Variants in EGF observed in about 807,000 individuals in gnomAD.
EGF encodes the protein epidermal growth factor, also known as pro-epidermal growth factor.
A neutral mutation model predicts 143.8 loss-of-function variants in EGF; 95 were observed. The ratio of observed to expected loss-of-function variants is 0.66; its 90% CI spans 0.56 to 0.78. The LOEUF (loss-of-function observed/expected upper bound fraction) is 0.78. Ranked by LOEUF, EGF falls within the 30% of genes least tolerant of loss-of-function variation. EGF has a pLI of 0.00. For synonymous variants in EGF, 510 were observed against 510.5 expected, an observed-to-expected ratio of 1.00 and a Z score of 0.01; for missense variants, 1,320 against 1,470.9, an observed-to-expected ratio of 0.90 and a Z score of 1.68.
At position 109,993,666 on chromosome 4, in the gene EGF, G is replaced by A. The variant is rs1751361070; in HGVS notation, c.2857+297G>A. ...TCACTATTTGTAATGTCAATTTGTGGGGCTGCTGGATAAGTTTTGCAGGGC... is the reference window on the plus strand; with the variant it reads ...TCACTATTTGTAATGTCAATTTGTGAGGCTGCTGGATAAGTTTTGCAGGGC... On this transcript the variant is annotated intron_variant, in intron 19 of 23. Coordinates refer to ENST00000265171, the MANE Select transcript of EGF (RefSeq NM_001963.6). Among the ~76,000 whole-genome samples the A allele has an allele frequency of 3.3e-5, 5 of 151,808 alleles. 1 individual carries two copies. The South Asian group carries it at 1.1e-3, about 32-fold the overall frequency.
intron 5 of EGF, among the ~76,000 whole-genome samples, chr4:109,950,706 G>C (rs1269479530): frequency 6.6e-6 from 1 of 152,124 alleles, no homozygotes; most frequent in Non-Finnish European, 1.5e-5. Context: ...CTCTCCTGCA[G>C]CCCAGTCTGC....
Position 109,913,352 on chromosome 4 carries a change from T to G in EGF, c.17T>G (p.Ile6Ser). Residue 6 changes from isoleucine (I) to serine (S), a missense_variant, in exon 1 of 24, where the codon ATC (isoleucine) becomes AGC (serine). Ile to Ser is a moderately radical substitution (Grantham distance 142). Around this residue, in one of 5 missense-constraint regions of EGF, gnomAD observed 79 missense variants for 71.2 expected, o/e 1.11. Transcript: ENST00000265171. MLLTL[I>S]ILLPVVSKFS... is the part of the protein sequence containing the mutation. Reference sequence around the variant, plus strand: ...ATCAAGATTATGCTGCTCACTCTTATCATTCTGTTGCCAGTAGTTTCAAAA... The same window carrying G: ...ATCAAGATTATGCTGCTCACTCTTAGCATTCTGTTGCCAGTAGTTTCAAAA... 6.2e-7 allele frequency: 1 copy of G among 1,613,986 alleles called. No homozygotes were observed. Among genetic ancestry groups the G allele is most frequent in the Non-Finnish European group, 8.5e-7 (1 of 1,179,872 alleles).
Position 109,913,375 on chromosome 4 carries a change from A to T in EGF, c.40A>T (p.Lys14Ter). The change falls in exon 1 of 24, where the codon AAA becomes TAA. Residue 14 changes from lysine (K) to a stop codon, truncating the protein, a stop_gained. Transcript: ENST00000265171. LOFTEE classifies it high-confidence loss of function. ...TLIILLPVVS[K>*]FSFVSLSAPQ... ...TATCATTCTGTTGCCAGTAGTTTCA[A>T]AATTTAGTTTTGTTAGTCTCTCAGC... 6.2e-7 allele frequency: 1 copy of T among 1,613,992 alleles called. No individual in the cohort carries two copies. Among genetic ancestry groups the T allele is most frequent in the Non-Finnish European group, 8.5e-7 (1 of 1,179,924 alleles).
intron 15 of EGF, among the ~76,000 whole-genome samples, chr4:109,982,424 T>TAA (rs1749517797): frequency 6.6e-6 from 1 of 151,870 alleles, no homozygotes; most frequent in African/African-American, 2.4e-5. Flanking sequence ...GCCTCTAGGG[T>TAA]TCAAGAGATT....
At chr4:109,968,852 G>A (rs1747090244) in intron 10 of EGF, 119 bp from the exon 11 acceptor site, 3 of 1,329,686 alleles carry the variant, frequency 2.3e-6, no homozygotes, top group Non-Finnish European at 3.2e-6. Context: ...AGTTGCAGGT[G>A]TGCCTATCTC....
chr4:110,002,061 A>C, intron 21 of EGF: 2 of 984,734 alleles, frequency 2.0e-6, no homozygotes, highest in Non-Finnish European at 2.4e-6. Context: ...TACAGCTCTA[A>C]CATTGAGTTT....
At chr4:109,962,455 A>G (rs1216928054) in intron 8 of EGF, among the ~76,000 whole-genome samples, 1 of 152,240 alleles carries the variant, frequency 6.6e-6, no homozygotes, top group African/African-American at 2.4e-5. Flanking sequence ...CAGAATTAGC[A>G]GAAGAATTGT....
chr4:109,999,828 G>T lies in EGF; in HGVS notation c.3155G>T (p.Trp1052Leu). 6.2e-7 allele frequency: 1 copy of T among 1,613,446 alleles called. No individual in the cohort carries two copies. Among genetic ancestry groups the T allele is most frequent in the Non-Finnish European group, 8.5e-7 (1 of 1,180,012 alleles). Residue 1052 changes from tryptophan to leucine, a missense_variant, in exon 21 of 24, where the codon TGG (tryptophan) becomes TTG (leucine). Around this residue, in one of 5 missense-constraint regions of EGF, gnomAD observed 1,186 missense variants for 1,313.7 expected, o/e 0.90. Transcript: ENST00000265171. ...GTCATGCTGCTCCTCCTGAGCCTGT[G>T]GGGGGCCCACTACTACAGGTGACCC... Reference protein sequence around the residue: ...VLVMLLLLSLWGAHYYRTQKL... With the variant: ...VLVMLLLLSLLGAHYYRTQKL...
At chr4:109,923,859 G>C (rs928187106) in intron 1 of EGF, among the ~76,000 whole-genome samples, 4 of 151,462 alleles carry the variant, frequency 2.6e-5, no homozygotes, top group Non-Finnish European at 4.4e-5. Flanking sequence ...GGGCCCAAGA[G>C]AGCCACCCAC....
intron 5 of EGF, among the ~76,000 whole-genome samples, chr4:109,956,916 A>G (rs1475640599): frequency 1.3e-5 from 2 of 152,198 alleles, no homozygotes; most frequent in African/African-American, 2.4e-5. Flanking sequence ...ACGTTTCACT[A>G]GTACATTAGG....
At chr4:110,002,354 A>T (rs983454767) in intron 21 of EGF, among the ~76,000 whole-genome samples, 1 of 152,154 alleles carries the variant, frequency 6.6e-6, no homozygotes, top group South Asian at 2.1e-4. Context: ...TTACCCAGGC[A>T]TGGTGGCACA....
At chr4:109,945,524 G>A (rs1560669718) in intron 5 of EGF, among the ~76,000 whole-genome samples, 2 of 152,008 alleles carry the variant, frequency 1.3e-5, no homozygotes, top group Non-Finnish European at 2.9e-5. Flanking sequence ...ATTGCTTGAG[G>A]CCAGGAGTTT....
At chr4:109,985,426 G>A (rs1289158196) in intron 16 of EGF, among the ~76,000 whole-genome samples, 1 of 152,150 alleles carries the variant, frequency 6.6e-6, no homozygotes, top group East Asian at 1.9e-4. Context: ...TGGCCTTTTG[G>A]GCCCTGTATG....
rs562123125 is a variant in EGF, at chr4:109,987,661, C to G, written c.2492-83C>G. The G allele has an allele frequency of 8.0e-6, 9 of 1,124,274 alleles. No homozygotes were observed. In the African/African-American group the frequency reaches 1.4e-4, roughly 17 times the overall value. The allele number at this position is 1,124,274 out of a possible 1,614,324, so 69.6% of individuals were successfully genotyped here. ...AGAACTTGGGAAAGGAAGTGGTGGA[C>G]TGTTCTGTAGAACCAGAAGATTAAA... On this transcript the variant is annotated intron_variant, in intron 16 of 23. Coordinates refer to ENST00000265171, the MANE Select transcript of EGF (RefSeq NM_001963.6).
At position 109,976,209 on chromosome 4, in the gene EGF, G is replaced by A. The variant is rs1411426888; in HGVS notation, c.2027G>A (p.Arg676His). The A allele has an allele frequency of 6.2e-7, 1 of 1,614,000 alleles. No individual in the cohort carries two copies. Among genetic ancestry groups the A allele is most frequent in the Non-Finnish European group, 8.5e-7 (1 of 1,179,982 alleles). ...IEMANLDGSK[R>H]RRLTQNDVGH... is the part of the protein sequence containing the mutation. The stretch of plus-strand genomic sequence containing the variant: ...ATGGCCAATCTGGATGGTTCAAAAC[G>A]CCGAAGACTTACCCAGAATGATGTA... The change falls in exon 13 of 24, where the codon CGC becomes CAC. Residue 676 changes from arginine to histidine, a missense_variant. This residue lies in a region of EGF where 1,186 missense variants were observed against 1,313.7 expected (regional missense o/e 0.90). Coordinates refer to ENST00000265171, the MANE Select transcript of EGF (RefSeq NM_001963.6).
At chr4:109,951,703 G>C (rs538454234) in intron 5 of EGF, among the ~76,000 whole-genome samples, 13 of 152,302 alleles carry the variant, frequency 8.5e-5, no homozygotes, top group African/African-American at 2.9e-4. Context: ...GAGGTTTAGA[G>C]ATGTCACAGT....
rs774632401 is a variant in EGF, at chr4:109,963,192, T to C, written c.1332T>C (p.Asn444=). Residue 444 remains asparagine, a synonymous_variant, in exon 9 of 24, where the codon AAT becomes AAC. Coordinates refer to ENST00000265171, the MANE Select transcript of EGF (RefSeq NM_001963.6). ...TTGTAGGTTGTTCCTCACCCGATAA[T>C]GGTGGATGTAGCCAGCTCTGCGTTC... is the stretch of plus-strand genomic sequence containing the variant. The part of the protein sequence containing the change: ...KTCSGCSSPD[N]GGCSQLCVPL... 2 of 1,614,044 alleles carry C rather than the reference T, an allele frequency of 1.2e-6. No homozygotes were observed. Among genetic ancestry groups the C allele is most frequent in the Non-Finnish European group, 1.7e-6 (2 of 1,179,946 alleles).
At chr4:109,941,801 T>C (rs1741978177) in intron 2 of EGF, among the ~76,000 whole-genome samples, 1 of 152,198 alleles carries the variant, frequency 6.6e-6, no homozygotes, top group Non-Finnish European at 1.5e-5. Flanking sequence ...AAAAATAATA[T>C]AGCAGATGAC....
chr4:109,987,778 G>T lies in EGF; in HGVS notation c.2526G>T (p.Met842Ile). 6.2e-7 allele frequency: 1 copy of T among 1,613,980 alleles called. No homozygotes were observed. Among genetic ancestry groups the T allele is most frequent in the Non-Finnish European group, 8.5e-7 (1 of 1,179,874 alleles). The change falls in exon 17 of 24, where the codon ATG (methionine) becomes ATT (isoleucine). Residue 842 changes from methionine (M) to isoleucine (I), a missense_variant. Physicochemically the swap from Met to Ile is conservative, Grantham distance 10. Coordinates refer to ENST00000265171, the MANE Select transcript of EGF (RefSeq NM_001963.6). ...QDDCAPVGCS[M>I]YARCISEGED... ...ACTGTGCTCCTGTGGGATGCAGCAT[G>T]TATGCTCGGTGTATTTCAGAGGGAG...
Sources: allele counts gnomAD v4.1 joint callset (sites outside exome capture counted in the v4.1 genomes callset), GRCh38; gene constraint gnomAD v4.1.1; regional missense constraint gnomAD v4.1.1; transcripts MANE v1.5; gene names NCBI Gene and HGNC (gene_info 2026-07-23, HGNC 2026-07-21).